Variants in MTCL1 observed in about 807,000 individuals in gnomAD.
MTCL1 encodes the protein microtubule crosslinking factor 1.
MTCL1 carries 79 observed loss-of-function variants against 141.4 expected under a neutral mutation model. That is an observed-to-expected ratio of 0.56 (90% confidence interval 0.47 to 0.67). The LOEUF (loss-of-function observed/expected upper bound fraction) is 0.67. MTCL1 is among the 30% of genes least tolerant of loss of function. MTCL1 has a pLI of 0.00. For synonymous variants in MTCL1, 914 were observed against 875.8 expected (o/e 1.04, Z -0.77); for missense variants, 2,177 against 2,113.9 (o/e 1.03, Z -0.59).
intron 16 of MTCL1, chr18:8,829,738 G>A: frequency 1.0e-6 from 1 of 985,300 alleles, no homozygotes; most frequent in Non-Finnish European, 1.2e-6. Context: ...GGAACACAGG[G>A]AGGGTCAATT....
At chr18:8,791,427 C>T (rs996439903) in intron 7 of MTCL1, among the ~76,000 whole-genome samples, 2 of 149,700 alleles carry the variant, frequency 1.3e-5, no homozygotes, top group African/African-American at 4.9e-5. Flanking sequence ...ATCCTCCACC[C>T]AAATCCATAC....
intron 4 of MTCL1, among the ~76,000 whole-genome samples, chr18:8,764,571 G>A (rs1057393143): frequency 2.0e-5 from 3 of 152,120 alleles, no homozygotes; most frequent in Non-Finnish European, 4.4e-5. Flanking sequence ...ACCTGCCTCG[G>A]CCTCTCAAAG....
Position 8,792,157 on chromosome 18 carries a change from A to G in MTCL1, c.1888-841A>G, listed in dbSNP as rs1202850690. ...ACAATCTACTCTAATTCCCAGTTGT[A>G]TAAATCACCTGTCTTCAAGTAGCAT... On this transcript the variant is annotated intron_variant, in intron 7 of 16. Transcript: ENST00000359865. 3.3e-5 allele frequency among the ~76,000 whole-genome samples: 5 copies of G among 152,358 alleles called. No individual in the cohort carries two copies. The South Asian group carries it at 8.3e-4, about 25-fold the overall frequency.
chr18:8,785,115 C>T (rs1236911642), intron 6 of MTCL1, among the ~76,000 whole-genome samples: 1 of 151,770 alleles, frequency 6.6e-6, no homozygotes, highest in African/African-American at 2.4e-5. Flanking sequence ...GGTTTAGAGG[C>T]CCTCCCAGAC....
At chr18:8,771,770 TA>T (rs1342216101) in intron 4 of MTCL1, among the ~76,000 whole-genome samples, 1 of 152,214 alleles carries the variant, frequency 6.6e-6, no homozygotes, top group Admixed American at 6.5e-5. Context: ...TTCACAAACT[TA>T]ATTTTTTTTT....
chr18:8,727,945 G>C (rs753364752), intron 4 of MTCL1, among the ~76,000 whole-genome samples: 8 of 139,952 alleles, frequency 5.7e-5, no homozygotes, highest in Non-Finnish European at 9.2e-5. Flanking sequence ...TTAATTCTGT[G>C]TCTTAGTTGG....
At position 8,770,043 on chromosome 18, in the gene MTCL1, T is replaced by C. The variant is rs548063505; in HGVS notation, c.358-7790T>C. Among the ~76,000 whole-genome samples, 3 of 152,238 alleles carry C rather than the reference T, an allele frequency of 2.0e-5. No homozygotes were observed. The East Asian group carries it at 5.8e-4, about 29-fold the overall frequency. ...GCAAAGATTTTTTGGATGAGAAAAATTGGCAATTTGGGGCTAAGAAACCAG... is the reference window on the plus strand; with the variant it reads ...GCAAAGATTTTTTGGATGAGAAAAACTGGCAATTTGGGGCTAAGAAACCAG... On this transcript the variant is annotated intron_variant, in intron 4 of 16. Coordinates refer to ENST00000359865, the Ensembl canonical transcript of MTCL1.
chr18:8,720,398 G>A (rs778152688), exon 4 of MTCL1: 96 of 1,613,968 alleles, frequency 5.9e-5, no homozygotes, highest in Admixed American at 3.0e-4. Context: ...GGAAAAGCGC[G>A]CTAAAGCTGA....
chr18:8,731,191 G>A (rs2096248672), intron 4 of MTCL1, among the ~76,000 whole-genome samples: 1 of 152,122 alleles, frequency 6.6e-6, no homozygotes, highest in African/African-American at 2.4e-5. Context: ...CTTGCAGTGA[G>A]CCAAGATTGT....
exon 5 of MTCL1, chr18:8,777,859 G>C: frequency 6.2e-7 from 1 of 1,613,806 alleles, no homozygotes; most frequent in Non-Finnish European, 8.5e-7. Flanking sequence ...GAAGCACTCG[G>C]GAAATGTACA....
chr18:8,821,398 T>A (rs897474986), intron 13 of MTCL1, 69 bp from the exon 13 acceptor site: 8 of 1,000,082 alleles, frequency 8.0e-6, no homozygotes, highest in Non-Finnish European at 1.2e-5. Context: ...AACAAATCAC[T>A]TAAGTACATT....
chr18:8,726,958 C>G (rs1271012318), intron 4 of MTCL1, among the ~76,000 whole-genome samples: 3 of 152,164 alleles, frequency 2.0e-5, no homozygotes, highest in African/African-American at 7.2e-5. Context: ...CGCCCATTCT[C>G]CCCGCTTAAG....
In MTCL1 at chr18:8,786,862, C is replaced by T. The variant is rs145027509; in HGVS notation, c.1887+771C>T. 6.6e-3 allele frequency: 1,037 copies of T among 157,638 alleles called. 9 individuals carry two copies. Among genetic ancestry groups the T allele is most frequent in the African/African-American group, 0.023 (978 of 41,676 alleles). 9.8% of individuals were successfully genotyped at this position (157,638 alleles called of 1,614,324 possible). On this transcript the variant is annotated intron_variant, in intron 7 of 16. Transcript: ENST00000359865. ...TCAAGGGGGAAAGCGTGTCACAGCC[C>T]GCCTAGTCAGGGGCCCAGTTTTCCC...
intron 4 of MTCL1, among the ~76,000 whole-genome samples, chr18:8,767,965 A>G (rs562525929): frequency 1.1e-4 from 16 of 152,362 alleles, no homozygotes; most frequent in Non-Finnish European, 1.6e-4. Context: ...TAAAAGGTGA[A>G]TGTTTTATGA....
At chr18:8,793,006 C>T (rs775992342) in exon 8 of MTCL1, 25 of 1,611,664 alleles carry the variant, frequency 1.6e-5, no homozygotes, top group Non-Finnish European at 2.0e-5. Flanking sequence ...AGCTCAGGGG[C>T]CCCCCCGTTT....
chr18:8,705,585 ACGCCGCCGCCGC>A (rs529374906), upstream of MTCL1: 339 of 1,137,908 alleles, frequency 3.0e-4, 1 homozygote, highest in African/African-American at 3.2e-3. The surrounding 1 kb of genome is among the most constrained non-coding windows in gnomAD (Gnocchi z 5.2). Context: ...GGGAGGCTGC[ACGCCGCCGCCGC>A]CGCCGCCGCC....
At chr18:8,832,244 T>C (rs185169527) in exon 17 of MTCL1, 3 of 175,940 alleles carry the variant, frequency 1.7e-5, no homozygotes, top group Non-Finnish European at 2.4e-5. Flanking sequence ...AAGTTAATTT[T>C]ATTTTGTCAG....
chr18:8,783,912 C>T (rs746517189), exon 6 of MTCL1: 1 of 1,613,464 alleles, frequency 6.2e-7, no homozygotes, highest in South Asian at 1.1e-5. Flanking sequence ...TTCGGTGACT[C>T]CCTGGAGTCC....
chr18:8,742,850 G>A (rs2096312323), intron 4 of MTCL1, among the ~76,000 whole-genome samples: 1 of 152,184 alleles, frequency 6.6e-6, no homozygotes, highest in Non-Finnish European at 1.5e-5. Flanking sequence ...CTCACCTTTA[G>A]GGAGGAAGTG....
Sources: allele counts gnomAD v4.1 joint callset (sites outside exome capture counted in the v4.1 genomes callset), GRCh38; gene constraint gnomAD v4.1.1; non-coding constraint Gnocchi (gnomAD v3.1); transcripts MANE v1.5; gene names NCBI Gene and HGNC (gene_info 2026-07-23, HGNC 2026-07-21).